Variants in GPC5 observed in about 807,000 individuals in gnomAD.
GPC5 encodes the protein glypican-5.
Under a neutral mutation model 53.9 loss-of-function variants are expected in GPC5, and 47 were observed. The ratio of observed to expected loss-of-function variants is 0.87; its 90% CI spans 0.69 to 1.11. The LOEUF (loss-of-function observed/expected upper bound fraction) is 1.11, where lower values mean the gene tolerates loss of function less well. GPC5 is among the 50% of genes most tolerant of loss of function. The pLI, the probability that GPC5 is intolerant of heterozygous loss-of-function variation, is 0.00. For missense variants in GPC5, 748 were observed against 713.1 expected (o/e 1.05, Z -0.56); for synonymous variants, 286 against 263.3 (o/e 1.09, Z -0.84).
chr13:92,169,702 G>C (rs1053857641), intron 7 of GPC5, among the ~76,000 whole-genome samples: 5 of 151,944 alleles, frequency 3.3e-5, no homozygotes, highest in African/African-American at 9.7e-5. Flanking sequence ...TTTCCAGAAG[G>C]TAGTTATAAA....
chr13:92,041,890 AT>A (rs2040944594), intron 6 of GPC5, among the ~76,000 whole-genome samples: 1 of 152,278 alleles, frequency 6.6e-6, no homozygotes, highest in African/African-American at 2.4e-5. Flanking sequence ...AGAAGCAGGG[AT>A]TGGGGAAGTG....
intron 7 of GPC5, among the ~76,000 whole-genome samples, chr13:92,232,178 C>A (rs1023060691): frequency 6.6e-6 from 1 of 151,716 alleles, no homozygotes; most frequent in Non-Finnish European, 1.5e-5. Context: ...AAATAAGAAT[C>A]GTTTTTTCCA....
chr13:91,431,843 C>T (rs1879475954), intron 1 of GPC5, among the ~76,000 whole-genome samples: 1 of 152,204 alleles, frequency 6.6e-6, no homozygotes, highest in Non-Finnish European at 1.5e-5. Flanking sequence ...GTCTGAGCTA[C>T]ATTTATCGTT....
chr13:92,209,933 G>A lies in GPC5; in HGVS notation c.1561+64944G>A, dbSNP rs143320648. On this transcript the variant is annotated intron_variant, in intron 7 of 7. Transcript: ENST00000377067. Reference sequence around the variant, plus strand: ...AAAGATGAAGAGCTTGGAGTCCAGTGTTCCAGGACAGGAAACATCCAGCAT... The same window carrying A: ...AAAGATGAAGAGCTTGGAGTCCAGTATTCCAGGACAGGAAACATCCAGCAT... 8.5e-5 allele frequency among the ~76,000 whole-genome samples: 13 copies of A among 152,270 alleles called. No homozygotes were observed. In the East Asian group the frequency reaches 2.5e-3, roughly 29 times the overall value.
chr13:91,541,740 T>G lies in GPC5; in HGVS notation c.325+92818T>G, dbSNP rs114742207. Among the ~76,000 whole-genome samples, 367 of 152,134 alleles carry G rather than the reference T, an allele frequency of 2.4e-3. 2 individuals are homozygous for G. Among genetic ancestry groups the G allele is most frequent in the African/African-American group, 8.5e-3 (352 of 41,532 alleles). ...TTTTTCAAAAACTGCAGTTCTTAAA[T>G]TATGTTTTTGTTAATACACATATAA... On this transcript the variant is annotated intron_variant, in intron 2 of 7. Coordinates refer to ENST00000377067, the MANE Select transcript of GPC5 (RefSeq NM_004466.6).
At chr13:92,310,570 T>G (rs1005917382) in intron 7 of GPC5, among the ~76,000 whole-genome samples, 1 of 152,194 alleles carries the variant, frequency 6.6e-6, no homozygotes, top group African/African-American at 2.4e-5. Context: ...TAAAACTATT[T>G]GTACACACTC....
At chr13:91,704,242 A>C (rs1466037816) in intron 3 of GPC5, among the ~76,000 whole-genome samples, 1 of 150,720 alleles carries the variant, frequency 6.6e-6, no homozygotes, top group Non-Finnish European at 1.5e-5. Flanking sequence ...GTCATTATGT[A>C]ATGCCCTTCT....
intron 7 of GPC5, among the ~76,000 whole-genome samples, chr13:92,729,746 A>T (rs1219745692): frequency 1.3e-5 from 2 of 151,366 alleles, no homozygotes; most frequent in African/African-American, 4.8e-5. Flanking sequence ...GTAAGACAGG[A>T]AAGATAGGAT....
At chr13:91,599,215 G>T (rs1594311796) in intron 2 of GPC5, among the ~76,000 whole-genome samples, 1 of 152,156 alleles carries the variant, frequency 6.6e-6, no homozygotes, top group East Asian at 1.9e-4. Context: ...TCCTTGCAGA[G>T]ATACTAATCT....
intron 7 of GPC5, among the ~76,000 whole-genome samples, chr13:92,370,227 C>T (rs767321925): frequency 3.9e-5 from 6 of 151,998 alleles, no homozygotes; most frequent in Non-Finnish European, 5.9e-5. Flanking sequence ...TTTCCTAGTC[C>T]GTTGTGACAG....
At chr13:91,459,286 C>T (rs1043677179) in intron 2 of GPC5, among the ~76,000 whole-genome samples, 3 of 151,748 alleles carry the variant, frequency 2.0e-5, no homozygotes, top group Non-Finnish European at 4.4e-5. Context: ...CAGAGCAAGA[C>T]CCTGTCTTAA....
At chr13:91,492,532 T>G (rs9523344) in intron 2 of GPC5, among the ~76,000 whole-genome samples, 14,603 of 152,166 alleles carry the variant, frequency 0.096, 873 homozygotes, top group African/African-American at 0.17. Flanking sequence ...GCAGAGAGAC[T>G]GAGTTCGCCT....
At chr13:92,073,444 A>G (rs572231963) in intron 6 of GPC5, among the ~76,000 whole-genome samples, 1 of 152,208 alleles carries the variant, frequency 6.6e-6, no homozygotes, top group Non-Finnish European at 1.5e-5. Context: ...TTAATCAAGC[A>G]TGGCTTTACT....
chr13:91,579,395 G>A (rs1226191282), intron 2 of GPC5, among the ~76,000 whole-genome samples: 2 of 151,998 alleles, frequency 1.3e-5, no homozygotes, highest in Non-Finnish European at 2.9e-5. Context: ...TAAGAGTGCT[G>A]TAACATTTTA....
At chr13:92,264,510 A>C (rs1017214427) in intron 7 of GPC5, among the ~76,000 whole-genome samples, 1 of 151,962 alleles carries the variant, frequency 6.6e-6, no homozygotes, top group African/African-American at 2.4e-5. Context: ...CACACACACA[A>C]GCAAAGCAAT....
chr13:92,697,412 A>G (rs1416756153), intron 7 of GPC5, among the ~76,000 whole-genome samples: 1 of 152,146 alleles, frequency 6.6e-6, no homozygotes, highest in African/African-American at 2.4e-5. Context: ...GAGGTACTTC[A>G]CAACCCTTGT....
chr13:92,109,264 G>A (rs2041537285), intron 6 of GPC5, among the ~76,000 whole-genome samples: 1 of 151,492 alleles, frequency 6.6e-6, no homozygotes, highest in Admixed American at 6.6e-5. Flanking sequence ...ATGGGGTTTT[G>A]CCATGTTGCC....
chr13:92,145,085 AAAAC>A (rs2041857734), intron 7 of GPC5, 96 bp downstream of exon 7: 2 of 1,090,264 alleles, frequency 1.8e-6, no homozygotes, highest in Admixed American at 3.7e-5. Context: ...TGACAATTCA[AAAAC>A]AAGCAAGAGG....
intron 1 of GPC5, among the ~76,000 whole-genome samples, chr13:91,405,676 A>G (rs1877270278): frequency 6.6e-6 from 1 of 152,174 alleles, no homozygotes; most frequent in Non-Finnish European, 1.5e-5. Context: ...CATACCTGCT[A>G]GGGCCATTTT....
Sources: gnomAD v4.1 joint callset for allele counts (sites outside exome capture counted in the v4.1 genomes callset) on GRCh38, gnomAD v4.1.1 for gene constraint, MANE v1.5 for transcripts, NCBI Gene and HGNC (gene_info 2026-07-23, HGNC 2026-07-21) for gene names.